GABRB1: variants seen among roughly 807,000 people sequenced by gnomAD.
The protein encoded by GABRB1 is gamma-aminobutyric acid receptor subunit beta-1.
Under a neutral mutation model 51.6 loss-of-function variants are expected in GABRB1, and 17 were observed. The ratio of observed to expected loss-of-function variants is 0.33; its 90% confidence interval spans 0.23 to 0.49. GABRB1 has a LOEUF of 0.49. GABRB1 is among the 20% of genes least tolerant of loss of function. The pLI is 0.99. For missense variants in GABRB1, 410 were observed against 600.6 expected (o/e 0.68, Z 3.32); for synonymous variants, 247 against 218.9 (o/e 1.13, Z -1.14).
At chr4:47,386,525 G>T (rs762771573) in intron 5 of GABRB1, among the ~76,000 whole-genome samples, 1 of 152,148 alleles carries the variant, frequency 6.6e-6, no homozygotes, top group East Asian at 1.9e-4. Flanking sequence ...TGGGGCCATT[G>T]AGTAACCGTC....
chr4:47,053,457 A>G (rs1172011021), intron 3 of GABRB1, among the ~76,000 whole-genome samples: 1 of 152,148 alleles, frequency 6.6e-6, no homozygotes, highest in Non-Finnish European at 1.5e-5. Flanking sequence ...ATGCATATAT[A>G]TGACTTTTAA....
intron 8 of GABRB1, among the ~76,000 whole-genome samples, chr4:47,413,450 A>T (rs1396392985): frequency 2.0e-5 from 3 of 152,210 alleles, no homozygotes; most frequent in Non-Finnish European, 4.4e-5. Flanking sequence ...TCAGTGTGTC[A>T]TTTCAGCAGT....
At chr4:47,222,610 C>A (rs1270980687) in intron 4 of GABRB1, among the ~76,000 whole-genome samples, 3 of 152,038 alleles carry the variant, frequency 2.0e-5, no homozygotes, top group Non-Finnish European at 4.4e-5. Context: ...CATCTTAGAC[C>A]ACCTAGCCAT....
At chr4:47,125,798 G>T (rs969566380) in intron 3 of GABRB1, among the ~76,000 whole-genome samples, 1 of 148,654 alleles carries the variant, frequency 6.7e-6, no homozygotes, top group Non-Finnish European at 1.5e-5. Context: ...CTCGTGATCC[G>T]CCCGCCTCGG....
intron 1 of GABRB1, among the ~76,000 whole-genome samples, chr4:47,011,718 A>G (rs1000008398): frequency 5.3e-5 from 8 of 152,110 alleles, no homozygotes; most frequent in African/African-American, 1.4e-4. Flanking sequence ...AGTAAAATGC[A>G]CTTCTTAATA....
intron 4 of GABRB1, among the ~76,000 whole-genome samples, chr4:47,230,111 T>C (rs1023691268): frequency 1.3e-5 from 2 of 152,192 alleles, no homozygotes; most frequent in African/African-American, 4.8e-5. Context: ...TTCTGATTGC[T>C]ATAAAAATAA....
chr4:47,341,214 CT>C (rs1265919613), intron 5 of GABRB1, among the ~76,000 whole-genome samples: 2 of 152,144 alleles, frequency 1.3e-5, no homozygotes, highest in Non-Finnish European at 1.5e-5. Context: ...TTTAAGATTA[CT>C]TCAGCCATTT....
At chr4:47,123,889 ATAATATATAATATATTATATAT>A (rs1402037488) in intron 3 of GABRB1, among the ~76,000 whole-genome samples, 1 of 82,478 alleles carries the variant, frequency 1.2e-5, no homozygotes, top group Non-Finnish European at 2.4e-5. Context: ...TATAATATAT[ATAATATATAATATATTATATAT>A]TAATATATGA....
intron 4 of GABRB1, among the ~76,000 whole-genome samples, chr4:47,170,988 A>G (rs10028379): frequency 0.83 from 126,066 of 152,082 alleles, 52,325 homozygotes; most frequent in Middle Eastern, 0.91. Flanking sequence ...TCATTTATGT[A>G]TATGGAAAAC....
At chr4:47,324,666 G>A (rs1487370155) in intron 5 of GABRB1, among the ~76,000 whole-genome samples, 2 of 152,118 alleles carry the variant, frequency 1.3e-5, no homozygotes, top group Admixed American at 1.3e-4. Flanking sequence ...CTTATGCTGT[G>A]GCTCTCAGAT....
intron 4 of GABRB1, among the ~76,000 whole-genome samples, chr4:47,196,152 A>G (rs375143226): frequency 6.6e-6 from 1 of 152,254 alleles, no homozygotes; most frequent in African/African-American, 2.4e-5. Flanking sequence ...ATGCATCTAG[A>G]TAAGTGAGAT....
chr4:47,192,019 C>T (rs1295770994), intron 4 of GABRB1, among the ~76,000 whole-genome samples: 1 of 151,968 alleles, frequency 6.6e-6, no homozygotes, highest in African/African-American at 2.4e-5. Flanking sequence ...ATTAAATAGA[C>T]TCGTACAATT....
intron 3 of GABRB1, among the ~76,000 whole-genome samples, chr4:47,079,024 T>C (rs1369434090): frequency 6.6e-6 from 1 of 152,248 alleles, no homozygotes; most frequent in African/African-American, 2.4e-5. Flanking sequence ...CAGTATTTTC[T>C]TGAGGATTCT....
At chr4:47,186,479 A>C (rs1719188308) in intron 4 of GABRB1, among the ~76,000 whole-genome samples, 1 of 151,822 alleles carries the variant, frequency 6.6e-6, no homozygotes, top group Admixed American at 6.6e-5. Context: ...AATGTCCTTG[A>C]AAAATATCTC....
chr4:47,215,237 G>T (rs980621899), intron 4 of GABRB1, among the ~76,000 whole-genome samples: 1 of 152,056 alleles, frequency 6.6e-6, no homozygotes, highest in Non-Finnish European at 1.5e-5. Flanking sequence ...AAGGTGAAGT[G>T]CATGTTTTAT....
intron 4 of GABRB1, among the ~76,000 whole-genome samples, chr4:47,228,824 G>A (rs932656492): frequency 1.3e-5 from 2 of 151,988 alleles, no homozygotes; most frequent in East Asian, 1.9e-4. Context: ...CAAAACCTTG[G>A]GCCTGGCTTC....
chr4:47,077,089 T>A (rs1727588940), intron 3 of GABRB1, among the ~76,000 whole-genome samples: 1 of 152,208 alleles, frequency 6.6e-6, no homozygotes, highest in South Asian at 2.1e-4. Context: ...AAGTGCCACC[T>A]CTTCTTTACT....
chr4:47,243,701 G>T (rs907726106), intron 4 of GABRB1, among the ~76,000 whole-genome samples: 1 of 152,056 alleles, frequency 6.6e-6, no homozygotes, highest in Non-Finnish European at 1.5e-5. Flanking sequence ...TATTGGTGTA[G>T]ATGAATGCTT....
At chr4:47,395,983 G>A (rs1728168007) in intron 5 of GABRB1, among the ~76,000 whole-genome samples, 1 of 151,830 alleles carries the variant, frequency 6.6e-6, no homozygotes. Flanking sequence ...TCTTCTTTAT[G>A]GCTTTATAAT....
Sources: allele counts gnomAD v4.1 joint callset (sites outside exome capture counted in the v4.1 genomes callset), GRCh38; gene constraint gnomAD v4.1.1; transcripts MANE v1.5; gene names NCBI Gene and HGNC (gene_info 2026-07-23, HGNC 2026-07-21).